AK8: variants seen among roughly 807,000 people sequenced by gnomAD.
AK8 encodes adenylate kinase 8.
In AK8, 44 loss-of-function variants were observed where a neutral mutation model predicts 54.6. The observed-to-expected ratio is 0.81, with a 90% CI of 0.63 to 1.04. The LOEUF (loss-of-function observed/expected upper bound fraction) is 1.04. Among genes scored for constraint, AK8 ranks in the 50% least tolerant of loss-of-function variants. AK8 has a pLI of 0.00. For synonymous variants in AK8, 239 were observed against 245.6 expected, an observed-to-expected ratio of 0.97 and a Z score of 0.25; for missense variants, 555 against 613.6, an observed-to-expected ratio of 0.90 and a Z score of 1.01.
rs769786744 is a variant in AK8 at position 132,878,119 on chromosome 9, T to C, written c.84+53A>G. On this transcript the variant is annotated intron_variant, in intron 1 of 12. Coordinates refer to ENST00000298545, the MANE Select transcript of AK8 (RefSeq NM_152572.3). The surrounding 1 kb of genome is among the most constrained non-coding windows in gnomAD (Gnocchi z 4.7). ...CCCGGCCGCGCACCCGACGTCGCAG[T>C]GGAGGCTCCCGAGCCGCCGCCAGCG... 4 of 1,550,380 alleles carry C rather than the reference T, an allele frequency of 2.6e-6. No individual in the cohort carries two copies. The highest frequency in any genetic ancestry group is 3.5e-6 in the Non-Finnish European group (4 of 1,147,206).
In AK8 at chr9:132,735,505, A is replaced by G. The variant is rs369706449; in HGVS notation, c.1122-7971T>C. 5.9e-5 allele frequency among the ~76,000 whole-genome samples: 9 copies of G among 152,310 alleles called. No individual in the cohort carries two copies. In the East Asian group the frequency reaches 1.5e-3, roughly 26 times the overall value. On this transcript the variant is annotated intron_variant, in intron 11 of 12. Coordinates refer to ENST00000298545, the MANE Select transcript of AK8 (RefSeq NM_152572.3). ...ACCCTACACAAAGCAATATGACATA[A>G]CCACAGGGAGATACTACTTCACACT...
intron 5 of AK8, among the ~76,000 whole-genome samples, chr9:132,840,610 A>AGG (rs1339690457): frequency 1.3e-5 from 2 of 152,162 alleles, no homozygotes; most frequent in East Asian, 3.9e-4. Context: ...AGTGCACCAC[A>AGG]GGCCAGGCAC....
intron 11 of AK8, among the ~76,000 whole-genome samples, chr9:132,755,046 G>C (rs1211681319): frequency 1.3e-5 from 2 of 152,090 alleles, no homozygotes; most frequent in Non-Finnish European, 2.9e-5. Context: ...TAATCTGCCC[G>C]CCTCGGCCTC....
rs931610866 is a variant in AK8, at chr9:132,770,633, G to A, written c.1121+22001C>T. On this transcript the variant is annotated intron_variant, in intron 11 of 12. Coordinates refer to ENST00000298545, the MANE Select transcript of AK8 (RefSeq NM_152572.3). The surrounding 1 kb of genome is among the most constrained non-coding windows in gnomAD (Gnocchi z 4.3). Reference sequence around the variant, plus strand: ...GCCGGTCCCATTTCAACAGAGACCTGGGGCAGCGCGGTGGGCAGCGGGCTG... The same window carrying A: ...GCCGGTCCCATTTCAACAGAGACCTAGGGCAGCGCGGTGGGCAGCGGGCTG... Among the ~76,000 whole-genome samples the A allele has an allele frequency of 6.6e-6, 1 of 152,018 alleles. No homozygotes were observed. The highest frequency in any genetic ancestry group is 2.4e-5 in the African/African-American group (1 of 41,286).
intron 9 of AK8, among the ~76,000 whole-genome samples, chr9:132,820,944 A>C (rs1841570012): frequency 6.6e-6 from 1 of 152,138 alleles, no homozygotes; most frequent in African/African-American, 2.4e-5. Context: ...TTTATCAAGA[A>C]CACCTTTGAG....
At position 132,837,657 on chromosome 9, in the gene AK8, C is replaced by T. The variant is rs1052337991; in HGVS notation, c.403-8931G>A. Among the ~76,000 whole-genome samples the T allele has an allele frequency of 1.3e-5, 2 of 152,194 alleles. No homozygotes were observed. Among genetic ancestry groups the T allele is most frequent in the Admixed American group, 1.3e-4 (2 of 15,282 alleles). On this transcript the variant is annotated intron_variant, in intron 5 of 12. Transcript: ENST00000298545. This position sits in a 1 kb window ranked among gnomAD's most constrained non-coding sequence, Gnocchi z 4.3. ...CATCCACAGAGCATATCGGAACACG[C>T]GTTCCTGTCCACATGGAGTGCTACG... is the stretch of plus-strand genomic sequence containing the variant.
At chr9:132,818,393 T>A (rs572603138) in intron 9 of AK8, among the ~76,000 whole-genome samples, 1 of 152,304 alleles carries the variant, frequency 6.6e-6, no homozygotes, top group South Asian at 2.1e-4. Context: ...GTAGGGTTTA[T>A]AACATACGCA....
intron 11 of AK8, among the ~76,000 whole-genome samples, chr9:132,772,544 G>C (rs1167894548): frequency 6.6e-6 from 1 of 152,206 alleles, no homozygotes; most frequent in African/African-American, 2.4e-5. Flanking sequence ...CCTTGATCTT[G>C]GGCTTCCAGC....
rs1406526886 is a variant in AK8, at chr9:132,799,001, C to A, written c.980-6226G>T. 1.3e-5 allele frequency among the ~76,000 whole-genome samples: 2 copies of A among 152,184 alleles called. No homozygotes were observed. The highest frequency in any genetic ancestry group is 4.8e-5 in the African/African-American group (2 of 41,460). On this transcript the variant is annotated intron_variant, in intron 10 of 12. Coordinates refer to ENST00000298545, the MANE Select transcript of AK8 (RefSeq NM_152572.3). This position sits in a 1 kb window ranked among gnomAD's most constrained non-coding sequence, Gnocchi z 5.0. Reference sequence around the variant, plus strand: ...CAGGAGTCCCGACACCCATGAGATGCAACTGGGCAGCACTGACTCCTCCCG... The same window carrying A: ...CAGGAGTCCCGACACCCATGAGATGAAACTGGGCAGCACTGACTCCTCCCG...
At chr9:132,802,157 T>G (rs372547239) in intron 10 of AK8, among the ~76,000 whole-genome samples, 52 of 152,350 alleles carry the variant, frequency 3.4e-4, no homozygotes, top group African/African-American at 1.2e-3. Context: ...CGATGTCGCC[T>G]GGGGATCCAG....
intron 11 of AK8, among the ~76,000 whole-genome samples, chr9:132,739,357 G>A (rs559986306): frequency 3.7e-5 from 5 of 133,518 alleles, no homozygotes; most frequent in African/African-American, 1.1e-4. Context: ...CAGGAGAATC[G>A]CTTGAACCTG....
At chr9:132,732,675 C>T (rs892298673) in intron 11 of AK8, among the ~76,000 whole-genome samples, 1 of 152,128 alleles carries the variant, frequency 6.6e-6, no homozygotes, top group African/African-American at 2.4e-5. Context: ...GAGAGCGTAA[C>T]TGAGAATGAA....
chr9:132,765,292 C>CAA (rs61495439), intron 11 of AK8, among the ~76,000 whole-genome samples: 1,672 of 62,526 alleles, frequency 0.027, 174 homozygotes, highest in African/African-American at 0.1. Context: ...GACTCCATTT[C>CAA]AAAAAAAAAA....
intron 3 of AK8, among the ~76,000 whole-genome samples, chr9:132,865,433 G>C (rs1434852285): frequency 6.6e-6 from 1 of 152,192 alleles, no homozygotes; most frequent in Non-Finnish European, 1.5e-5. Flanking sequence ...TGGTCACAGA[G>C]GAAGGGTTCG....
At chr9:132,797,736 A>C (rs1840240481) in intron 10 of AK8, among the ~76,000 whole-genome samples, 1 of 152,224 alleles carries the variant, frequency 6.6e-6, no homozygotes, top group Admixed American at 6.5e-5. Flanking sequence ...AAACCATTTA[A>C]TGCTTAAAAC....
intron 11 of AK8, among the ~76,000 whole-genome samples, chr9:132,758,905 T>C (rs1838318823): frequency 6.6e-6 from 1 of 151,950 alleles, no homozygotes; most frequent in Admixed American, 6.6e-5. Context: ...TTATTTACAG[T>C]GTACAGTTCC....
At chr9:132,747,038 T>G (rs1432730363) in intron 11 of AK8, among the ~76,000 whole-genome samples, 6 of 152,230 alleles carry the variant, frequency 3.9e-5, no homozygotes, top group African/African-American at 1.4e-4. Flanking sequence ...TCTCAATGCA[T>G]ATATGCGGCA....
intron 11 of AK8, among the ~76,000 whole-genome samples, chr9:132,786,914 T>G (rs1433860966): frequency 1.3e-5 from 2 of 151,748 alleles, no homozygotes. Context: ...AAAAAAACCA[T>G]GAAATAAGAT....
At chr9:132,823,035 C>T (rs1235957830) in intron 9 of AK8, among the ~76,000 whole-genome samples, 170 bp downstream of exon 9, 4 of 152,136 alleles carry the variant, frequency 2.6e-5, no homozygotes, top group Admixed American at 1.3e-4. Context: ...GAAGAAAATT[C>T]CTGCAAAGAT....
Sources: gnomAD v4.1 joint callset for allele counts (sites outside exome capture counted in the v4.1 genomes callset) on GRCh38, gnomAD v4.1.1 for gene constraint, Gnocchi (gnomAD v3.1) non-coding constraint, MANE v1.5 for transcripts, NCBI Gene and HGNC (gene_info 2026-07-23, HGNC 2026-07-21) for gene names.